Variants in ATP8A2 observed in about 807,000 individuals in gnomAD.
ATP8A2 encodes phospholipid-transporting ATPase IB.
A neutral mutation model predicts 165.6 loss-of-function variants in ATP8A2; 100 were observed. The ratio of observed to expected loss-of-function variants is 0.60; its 90% confidence interval spans 0.51 to 0.71. ATP8A2 has a LOEUF of 0.71. ATP8A2 is among the 30% of genes least tolerant of loss of function. The pLI is 0.00. For missense variants in ATP8A2, 1,227 were observed against 1,479.5 expected, an observed-to-expected ratio of 0.83 and a Z score of 2.80; for synonymous variants, 543 against 548.8, an observed-to-expected ratio of 0.99 and a Z score of 0.15.
At chr13:25,459,898 G>T (rs955782669) in intron 1 of ATP8A2, among the ~76,000 whole-genome samples, 3 of 152,084 alleles carry the variant, frequency 2.0e-5, no homozygotes, top group Non-Finnish European at 2.9e-5. Flanking sequence ...AGCTGTGTGG[G>T]TCTTCAAAAT....
chr13:25,739,109 A>G (rs887655317), intron 25 of ATP8A2, among the ~76,000 whole-genome samples: 1 of 152,232 alleles, frequency 6.6e-6, no homozygotes, highest in African/African-American at 2.4e-5. Flanking sequence ...ATGGGATTTG[A>G]GCAGGGGAAG....
chr13:25,826,362 A>G (rs1371071637), intron 27 of ATP8A2, among the ~76,000 whole-genome samples: 2 of 152,228 alleles, frequency 1.3e-5, no homozygotes, highest in Non-Finnish European at 2.9e-5. Flanking sequence ...CAGGGTAATG[A>G]CAAGGTGAAA....
intron 1 of ATP8A2, among the ~76,000 whole-genome samples, chr13:25,421,596 A>G (rs2034301249): frequency 6.6e-6 from 1 of 152,240 alleles, no homozygotes. Context: ...CAGCCTCCCA[A>G]GGACTGGGAT....
intron 2 of ATP8A2, among the ~76,000 whole-genome samples, chr13:25,471,022 G>A (rs1334619674): frequency 2.0e-5 from 3 of 152,094 alleles, no homozygotes; most frequent in Non-Finnish European, 4.4e-5. Flanking sequence ...TCATTTTGGG[G>A]TGATGGTTGC....
chr13:25,424,932 C>T (rs9511799), intron 1 of ATP8A2, among the ~76,000 whole-genome samples: 63,294 of 151,740 alleles, frequency 0.42, 14,200 homozygotes, highest in East Asian at 0.59. Flanking sequence ...CACTCCAGCC[C>T]GGGCGACAAG....
In ATP8A2 at chr13:26,020,312, G is replaced by C. The variant is rs941093289; in HGVS notation, c.*327G>C. On this transcript the variant is annotated 3_prime_UTR_variant, in exon 37 of 37. Transcript: ENST00000381655. ...CAATATTTAAACATCAGTACTAGTT[G>C]TCCTGGGAGAAAGGGAAAGGAGTTT... 1.1e-5 allele frequency: 3 copies of C among 271,166 alleles called. No homozygotes were observed. Among genetic ancestry groups the C allele is most frequent in the Admixed American group, 5.2e-5 (1 of 19,322 alleles). 16.8% of individuals were successfully genotyped at this position (271,166 alleles called of 1,614,324 possible).
At chr13:25,624,786 T>C (rs2041061043) in intron 24 of ATP8A2, among the ~76,000 whole-genome samples, 1 of 152,164 alleles carries the variant, frequency 6.6e-6, no homozygotes, top group African/African-American at 2.4e-5. Flanking sequence ...GTAAATTGAT[T>C]AGTACAATTT....
intron 25 of ATP8A2, among the ~76,000 whole-genome samples, chr13:25,708,655 C>T (rs904438708): frequency 6.6e-6 from 1 of 152,090 alleles, no homozygotes; most frequent in African/African-American, 2.4e-5. Flanking sequence ...TAGGAAGCCC[C>T]AAGATTACAG....
chr13:25,805,162 T>G (rs1950704994), intron 27 of ATP8A2, among the ~76,000 whole-genome samples: 1 of 151,906 alleles, frequency 6.6e-6, no homozygotes. Context: ...AGATGGATAC[T>G]TGGAGTTAGC....
At chr13:25,546,317 G>T (rs2138022981) in intron 10 of ATP8A2, among the ~76,000 whole-genome samples, 1 of 152,252 alleles carries the variant, frequency 6.6e-6, no homozygotes, top group South Asian at 2.1e-4. Context: ...TGTATAGAAT[G>T]ATGGAAAACC....
chr13:25,562,195 G>A (rs754714654), intron 15 of ATP8A2, among the ~76,000 whole-genome samples: 14 of 152,114 alleles, frequency 9.2e-5, no homozygotes, highest in Admixed American at 2.0e-4. Flanking sequence ...AGGAAAAACC[G>A]TGCTATTTTC....
intron 27 of ATP8A2, among the ~76,000 whole-genome samples, chr13:25,817,976 C>CAAGTCCTTTTAA (rs1951073402): frequency 1.3e-5 from 2 of 152,150 alleles, no homozygotes; most frequent in Admixed American, 1.3e-4. Flanking sequence ...CCACTGTACC[C>CAAGTCCTTTTAA]AGCCTCAAGT....
intron 27 of ATP8A2, among the ~76,000 whole-genome samples, chr13:25,803,806 G>T (rs1431728356): frequency 1.3e-5 from 2 of 152,244 alleles, no homozygotes; most frequent in Admixed American, 6.5e-5. Flanking sequence ...GCTAGAAGTG[G>T]TGCTTAGTAC....
chr13:25,417,679 A>G (rs1001597320), intron 1 of ATP8A2, among the ~76,000 whole-genome samples: 3 of 152,210 alleles, frequency 2.0e-5, no homozygotes. Context: ...CTGACTCACT[A>G]TATTTGGGGT....
chr13:25,422,820 A>G (rs531990113), intron 1 of ATP8A2, among the ~76,000 whole-genome samples: 2 of 152,374 alleles, frequency 1.3e-5, no homozygotes, highest in South Asian at 4.1e-4. Flanking sequence ...GATCAGTAAC[A>G]AGAGTGCTAC....
At position 25,730,384 on chromosome 13, in the gene ATP8A2, C is replaced by A. The variant is rs1055813802; in HGVS notation, c.2384+31039C>A. 6.6e-5 allele frequency among the ~76,000 whole-genome samples: 10 copies of A among 152,162 alleles called. No homozygotes were observed. In the South Asian group the frequency reaches 1.2e-3, roughly 19 times the overall value. ...TCAAGTTGGCTTTTGTTTTGAAGAA[C>A]AAAAGGGAATCATGGCTTGGCAGTT... is the stretch of plus-strand genomic sequence containing the variant. On this transcript the variant is annotated intron_variant, in intron 25 of 36. Transcript: ENST00000381655.
intron 16 of ATP8A2, among the ~76,000 whole-genome samples, chr13:25,565,922 A>T (rs1234291946): frequency 6.6e-6 from 1 of 152,150 alleles, no homozygotes. Flanking sequence ...ACAACTAGTT[A>T]AGTCAGTATA....
intron 10 of ATP8A2, 93 bp downstream of exon 10, chr13:25,543,495 C>A: frequency 1.3e-6 from 1 of 797,392 alleles, no homozygotes; most frequent in Non-Finnish European, 2.0e-6. Flanking sequence ...TTAGGAAGTT[C>A]AAATTTGTCT....
intron 27 of ATP8A2, among the ~76,000 whole-genome samples, chr13:25,805,940 T>C (rs1347328195): frequency 6.6e-6 from 1 of 152,190 alleles, no homozygotes; most frequent in Non-Finnish European, 1.5e-5. Context: ...GCAAACACTT[T>C]AATCTCAAAT....
Sources: gnomAD v4.1 joint callset for allele counts (sites outside exome capture counted in the v4.1 genomes callset) on GRCh38, gnomAD v4.1.1 for gene constraint, MANE v1.5 for transcripts, NCBI Gene and HGNC (gene_info 2026-07-23, HGNC 2026-07-21) for gene names.